The following GPC5 variants were observed in gnomAD, a reference collection of about 807,000 sequenced individuals.
GPC5 encodes the protein glypican 5, also known as glypican-5.
Under a neutral mutation model 53.9 loss-of-function variants are expected in GPC5, and 47 were observed. The ratio of observed to expected loss-of-function variants is 0.87; its 90% CI spans 0.69 to 1.11. The LOEUF (loss-of-function observed/expected upper bound fraction) is 1.11, where lower values mean the gene tolerates loss of function less well. Ranked by LOEUF, GPC5 falls within the 50% of genes most tolerant of loss-of-function variation. GPC5 has a pLI of 0.00. For missense variants in GPC5, 748 were observed against 713.1 expected, an observed-to-expected ratio of 1.05 and a Z score of -0.56; for synonymous variants, 286 against 263.3, an observed-to-expected ratio of 1.09 and a Z score of -0.84.
chr13:92,640,054 G>A (rs1885538985), intron 7 of GPC5, among the ~76,000 whole-genome samples: 1 of 151,256 alleles, frequency 6.6e-6, no homozygotes, highest in African/African-American at 2.4e-5. Context: ...TAAGTCAAAT[G>A]TAGCTAAGCA....
chr13:91,532,529 G>A (rs930792016), intron 2 of GPC5, among the ~76,000 whole-genome samples: 3 of 151,994 alleles, frequency 2.0e-5, no homozygotes, highest in Admixed American at 1.3e-4. Flanking sequence ...AACTATTCTT[G>A]GGTCTGAAGA....
chr13:92,692,792 C>A (rs1163917782), intron 7 of GPC5, among the ~76,000 whole-genome samples: 4 of 90,988 alleles, frequency 4.4e-5, no homozygotes, highest in Non-Finnish European at 8.3e-5. Flanking sequence ...TTACCAAAAG[C>A]CACTCTGACT....
intron 7 of GPC5, among the ~76,000 whole-genome samples, chr13:92,344,912 A>C (rs1347621326): frequency 6.6e-6 from 1 of 152,200 alleles, no homozygotes; most frequent in Admixed American, 6.5e-5. Context: ...TGATATGAGA[A>C]TATGAGTAAA....
In GPC5 at chr13:91,858,869, G is replaced by A. The variant is rs765165615; in HGVS notation, c.1281-49068G>A. On this transcript the variant is annotated intron_variant, in intron 5 of 7. Transcript: ENST00000377067. ...TTTACAGGTTTTGGATTTCTTCATC[G>A]TTCATTCTTGCTAGGTTGTATGTGT... Among the ~76,000 whole-genome samples, 6 of 151,392 alleles carry A rather than the reference G, an allele frequency of 4.0e-5. No homozygotes were observed. In the South Asian group the frequency reaches 8.3e-4, roughly 21 times the overall value.
At chr13:91,842,808 C>G (rs1241471319) in intron 5 of GPC5, among the ~76,000 whole-genome samples, 1 of 150,842 alleles carries the variant, frequency 6.6e-6, no homozygotes, top group Non-Finnish European at 1.5e-5. Flanking sequence ...TCTAAAACAT[C>G]TGATCTGAGG....
intron 2 of GPC5, among the ~76,000 whole-genome samples, chr13:91,633,570 G>A (rs1008750500): frequency 4.6e-5 from 7 of 152,104 alleles, no homozygotes; most frequent in Non-Finnish European, 7.4e-5. Flanking sequence ...GGTTCCTTGT[G>A]GAAGACAACT....
At chr13:91,822,800 T>A (rs75346939) in intron 5 of GPC5, among the ~76,000 whole-genome samples, 2,138 of 152,238 alleles carry the variant, frequency 0.014, 46 homozygotes, top group African/African-American at 0.048. Flanking sequence ...TCACAGGTAC[T>A]TCAAAACTAG....
At chr13:91,500,188 C>T (rs1170148489) in intron 2 of GPC5, among the ~76,000 whole-genome samples, 8 of 152,168 alleles carry the variant, frequency 5.3e-5, no homozygotes, top group Admixed American at 4.6e-4. Context: ...CTGTCTCTTG[C>T]CATTAGAATA....
intron 7 of GPC5, among the ~76,000 whole-genome samples, chr13:92,179,713 T>G (rs768485497): frequency 6.6e-6 from 1 of 152,240 alleles, no homozygotes; most frequent in Non-Finnish European, 1.5e-5. Context: ...CAGGGCCTAG[T>G]GGCTTTTTTC....
At chr13:91,442,334 A>G (rs1441647728) in intron 1 of GPC5, among the ~76,000 whole-genome samples, 2 of 152,116 alleles carry the variant, frequency 1.3e-5, no homozygotes, top group Non-Finnish European at 2.9e-5. Flanking sequence ...TATCATTTCC[A>G]TGTGTTGCCC....
intron 6 of GPC5, among the ~76,000 whole-genome samples, chr13:92,015,467 A>G (rs372818097): frequency 1.2e-4 from 18 of 152,248 alleles, no homozygotes; most frequent in East Asian, 7.7e-4. Context: ...CTTCTCCTAC[A>G]AAAGGAAAAC....
At chr13:91,644,493 A>C (rs1435435721) in intron 2 of GPC5, among the ~76,000 whole-genome samples, 1 of 152,098 alleles carries the variant, frequency 6.6e-6, no homozygotes, top group African/African-American at 2.4e-5. Flanking sequence ...TCTACTTGTT[A>C]ATCTCCTCTT....
chr13:92,408,179 T>C (rs1190718720), intron 7 of GPC5, among the ~76,000 whole-genome samples: 1 of 152,178 alleles, frequency 6.6e-6, no homozygotes, highest in Non-Finnish European at 1.5e-5. Context: ...GCGAGGGATC[T>C]AGGTTGTGTG....
chr13:92,494,216 A>G (rs1471152718), intron 7 of GPC5, among the ~76,000 whole-genome samples: 11 of 150,026 alleles, frequency 7.3e-5, no homozygotes, highest in Admixed American at 6.6e-5. Context: ...CAGCCTCCCG[A>G]GTAGCTGGGA....
chr13:91,880,231 G>T (rs183796297), intron 5 of GPC5, among the ~76,000 whole-genome samples: 212 of 151,914 alleles, frequency 1.4e-3, no homozygotes, highest in Middle Eastern at 7.1e-3. Context: ...AGTGAAACAC[G>T]TATTTAACTT....
At chr13:92,259,175 T>C (rs1266268479) in intron 7 of GPC5, among the ~76,000 whole-genome samples, 1 of 152,302 alleles carries the variant, frequency 6.6e-6, no homozygotes, top group East Asian at 1.9e-4. Flanking sequence ...TTTTCTGCTG[T>C]TGGTAGGAAC....
intron 7 of GPC5, among the ~76,000 whole-genome samples, chr13:92,580,857 T>C (rs752781106): frequency 2.0e-5 from 3 of 152,208 alleles, no homozygotes; most frequent in Non-Finnish European, 4.4e-5. Context: ...GGGGGTTATA[T>C]TTCAACATGT....
chr13:91,545,801 T>C (rs2030251103), intron 2 of GPC5, among the ~76,000 whole-genome samples: 1 of 152,170 alleles, frequency 6.6e-6, no homozygotes, highest in Non-Finnish European at 1.5e-5. Flanking sequence ...ATGATATTTG[T>C]CTTGCTGTTA....
intron 7 of GPC5, among the ~76,000 whole-genome samples, chr13:92,845,030 C>T (rs1322858061): frequency 6.6e-6 from 1 of 151,922 alleles, no homozygotes; most frequent in Non-Finnish European, 1.5e-5. Context: ...ATTTTCTCCT[C>T]AACAAATTTT....
Sources: gnomAD v4.1 joint callset for allele counts (sites outside exome capture counted in the v4.1 genomes callset) on GRCh38, gnomAD v4.1.1 for gene constraint, MANE v1.5 for transcripts, NCBI Gene and HGNC (gene_info 2026-07-23, HGNC 2026-07-21) for gene names.